The following PTPRK variants were observed in gnomAD, a reference collection of about 807,000 sequenced individuals.
The protein encoded by PTPRK is receptor-type tyrosine-protein phosphatase kappa.
PTPRK carries 75 observed loss-of-function variants against 178.0 expected under a neutral mutation model. The observed-to-expected ratio is 0.42, with a 90% CI of 0.35 to 0.51. The LOEUF (loss-of-function observed/expected upper bound fraction) is 0.51. Ranked by LOEUF, PTPRK falls within the 20% of genes least tolerant of loss-of-function variation. The pLI is 0.02. For missense variants in PTPRK, 1,441 were observed against 1,797.8 expected (o/e 0.80, Z 3.59); for synonymous variants, 637 against 620.6 (o/e 1.03, Z -0.39).
chr6:128,452,128 G>T (rs1204636729), intron 1 of PTPRK, among the ~76,000 whole-genome samples: 1 of 152,120 alleles, frequency 6.6e-6, no homozygotes, highest in Non-Finnish European at 1.5e-5. Flanking sequence ...AAAGTCTCCA[G>T]CACTGTTCTG....
chr6:128,160,074 T>C (rs1798481861), intron 7 of PTPRK, among the ~76,000 whole-genome samples: 1 of 151,698 alleles, frequency 6.6e-6, no homozygotes. Context: ...ATTGGAAAGC[T>C]CACGTAACTT....
intron 3 of PTPRK, among the ~76,000 whole-genome samples, chr6:128,298,981 A>G (rs1279906277): frequency 1.3e-5 from 2 of 152,210 alleles, no homozygotes; most frequent in East Asian, 3.9e-4. Flanking sequence ...CCACTGTCTC[A>G]GCCCAAAATC....
At chr6:127,981,398 G>A (rs1253381809) in intron 24 of PTPRK, 109 bp from the exon 25 acceptor site, 13 of 920,778 alleles carry the variant, frequency 1.4e-5, no homozygotes, top group Middle Eastern at 2.5e-4. Flanking sequence ...GGATTTGTGC[G>A]AGGCAATGGC....
chr6:128,394,954 G>A (rs774550254), intron 2 of PTPRK, among the ~76,000 whole-genome samples: 3 of 152,122 alleles, frequency 2.0e-5, no homozygotes, highest in Non-Finnish European at 4.4e-5. Context: ...GTTAGGTTTG[G>A]AGAGCCAGCT....
At chr6:128,242,419 G>C in intron 4 of PTPRK, 102 bp downstream of exon 4, 1 of 1,455,980 alleles carries the variant, frequency 6.9e-7, no homozygotes, top group Non-Finnish European at 9.1e-7. Context: ...ACAATAACAA[G>C]AGAGACAGCA....
At chr6:128,425,380 A>G (rs925905840) in intron 1 of PTPRK, among the ~76,000 whole-genome samples, 9 of 151,850 alleles carry the variant, frequency 5.9e-5, no homozygotes, top group Admixed American at 3.3e-4. Context: ...CCTGGCCCCA[A>G]TGTGTAGTCT....
intron 15 of PTPRK, chr6:128,000,377 C>A (rs1163780783): frequency 1.0e-5 from 12 of 1,188,814 alleles, no homozygotes; most frequent in African/African-American, 3.2e-5. Context: ...ATTTGTGTGC[C>A]TCTGTAATTT....
At chr6:128,047,668 T>C (rs928387225) in intron 13 of PTPRK, among the ~76,000 whole-genome samples, 1 of 152,198 alleles carries the variant, frequency 6.6e-6, no homozygotes, top group Non-Finnish European at 1.5e-5. Context: ...TACATGAACT[T>C]TAAGTGCTTT....
intron 13 of PTPRK, among the ~76,000 whole-genome samples, chr6:128,021,001 C>A (rs182601491): frequency 6.6e-6 from 1 of 152,122 alleles, no homozygotes; most frequent in East Asian, 1.9e-4. Context: ...ACAGATGAAC[C>A]AGATTTAAAA....
chr6:128,385,210 A>G (rs1419066149), intron 2 of PTPRK, among the ~76,000 whole-genome samples: 1 of 151,730 alleles, frequency 6.6e-6, no homozygotes, highest in Non-Finnish European at 1.5e-5. Flanking sequence ...TTGCATGATA[A>G]AACAACAAAT....
intron 13 of PTPRK, among the ~76,000 whole-genome samples, chr6:128,042,305 A>G (rs1381727581): frequency 6.6e-6 from 1 of 152,098 alleles, no homozygotes; most frequent in African/African-American, 2.4e-5. Context: ...AAGTTATAGC[A>G]AATTTGTGGG....
intron 3 of PTPRK, among the ~76,000 whole-genome samples, chr6:128,299,410 C>T (rs893435211): frequency 3.3e-5 from 5 of 152,198 alleles, no homozygotes; most frequent in African/African-American, 1.2e-4. Context: ...GCCCGCACTG[C>T]CAAGTCAATC....
At chr6:128,438,233 CT>C (rs2128398928) in intron 1 of PTPRK, among the ~76,000 whole-genome samples, 1 of 152,354 alleles carries the variant, frequency 6.6e-6, no homozygotes, top group East Asian at 1.9e-4. Context: ...CCACTGACAT[CT>C]CTACCTCTGC....
chr6:127,976,530 T>G (rs759333431), intron 27 of PTPRK, 127 bp downstream of exon 27: 1 of 1,152,164 alleles, frequency 8.7e-7, no homozygotes, highest in Non-Finnish European at 1.2e-6. Flanking sequence ...AGATGGTTAC[T>G]AGCTTTGAGG....
At position 128,089,823 on chromosome 6, in the gene PTPRK, G is replaced by A; in HGVS notation, c.1332C>T (p.Asp444=). The A allele has an allele frequency of 6.2e-7, 1 of 1,614,084 alleles. No individual in the cohort carries two copies. Among genetic ancestry groups the A allele is most frequent in the Non-Finnish European group, 8.5e-7 (1 of 1,179,962 alleles). The part of the protein sequence containing the change: ...GHNESKADCL[D]MDPKAPQHVV... ...CATGCTGAGGGGCTTTGGGGTCCATGTCCAAACAGTCTGCCTTGCTCTCGT... is the reference window on the plus strand; with the variant it reads ...CATGCTGAGGGGCTTTGGGGTCCATATCCAAACAGTCTGCCTTGCTCTCGT... Residue 444 remains aspartate (D), a synonymous_variant, in exon 8 of 30, where the codon GAC becomes GAT. Coordinates refer to ENST00000368226, the MANE Select transcript of PTPRK (RefSeq NM_002844.4).
chr6:127,973,534 G>A (rs1774181522), intron 28 of PTPRK, 130 bp downstream of exon 28: 1 of 1,037,064 alleles, frequency 9.6e-7, no homozygotes, highest in Admixed American at 2.6e-5. Context: ...AGACTCATGA[G>A]ACAGGAAGAC....
chr6:128,333,180 A>G (rs1288739247), intron 2 of PTPRK, among the ~76,000 whole-genome samples: 1 of 152,210 alleles, frequency 6.6e-6, no homozygotes, highest in African/African-American at 2.4e-5. Context: ...AAGAGAAGGT[A>G]GTGTGGCCTG....
At chr6:128,125,379 T>C (rs1316621755) in intron 7 of PTPRK, among the ~76,000 whole-genome samples, 1 of 151,770 alleles carries the variant, frequency 6.6e-6, no homozygotes, top group African/African-American at 2.4e-5. Flanking sequence ...TCTTCCCCCA[T>C]CCTGCTCCTG....
Position 128,279,176 on chromosome 6 carries a change from G to A in PTPRK, c.496-36574C>T, listed in dbSNP as rs563983980. ...AGCTGGAAATCATACAAATCCCTGGGAGAACAAGTCCCCCAAATTTCTACT... is the reference window on the plus strand; with the variant it reads ...AGCTGGAAATCATACAAATCCCTGGAAGAACAAGTCCCCCAAATTTCTACT... On this transcript the variant is annotated intron_variant, in intron 3 of 29. Transcript: ENST00000368226. Among the ~76,000 whole-genome samples, 72 of 149,986 alleles carry A rather than the reference G, an allele frequency of 4.8e-4. No homozygotes were observed. In the East Asian group the frequency reaches 0.014, roughly 29 times the overall value.
Sources: gnomAD v4.1 joint callset for allele counts (sites outside exome capture counted in the v4.1 genomes callset) on GRCh38, gnomAD v4.1.1 for gene constraint, MANE v1.5 for transcripts, NCBI Gene and HGNC (gene_info 2026-07-23, HGNC 2026-07-21) for gene names.